Variants in AMPH observed in about 807,000 individuals in gnomAD.
AMPH encodes the protein amphiphysin, also known as amphiphysin (Stiff-Mann syndrome with breast cancer 128kD autoantigen).
In AMPH, 49 loss-of-function variants were observed where a neutral mutation model predicts 99.1. That is an observed-to-expected ratio of 0.49 (90% CI 0.39 to 0.63). The LOEUF (loss-of-function observed/expected upper bound fraction) is 0.63, where lower values mean the gene tolerates loss of function less well. Among genes scored for constraint, AMPH ranks in the 20% least tolerant of loss-of-function variants. AMPH has a pLI of 0.00. For synonymous variants in AMPH, 314 were observed against 317.3 expected, an observed-to-expected ratio of 0.99 and a Z score of 0.11; for missense variants, 759 against 863.4, an observed-to-expected ratio of 0.88 and a Z score of 1.52.
At chr7:38,587,012 T>TACACACACAC (rs36077157) in intron 1 of AMPH, among the ~76,000 whole-genome samples, 1 of 149,470 alleles carries the variant, frequency 6.7e-6, no homozygotes, top group South Asian at 2.1e-4. Flanking sequence ...ATTGTGTAAA[T>TACACACACAC]ACACACACAC....
chr7:38,387,375 TAA>T (rs1449333773), intron 20 of AMPH, among the ~76,000 whole-genome samples: 1 of 152,092 alleles, frequency 6.6e-6, no homozygotes, highest in Non-Finnish European at 1.5e-5. Flanking sequence ...TTCAAGTATA[TAA>T]ATTGAGAGAC....
chr7:38,424,169 A>G (rs1043961457), intron 15 of AMPH, among the ~76,000 whole-genome samples: 30 of 152,238 alleles, frequency 2.0e-4, no homozygotes, highest in African/African-American at 7.0e-4. Context: ...AACAGAAAAG[A>G]TAAGCCAGAA....
chr7:38,447,173 C>A (rs1435175089), intron 11 of AMPH, among the ~76,000 whole-genome samples: 1 of 152,142 alleles, frequency 6.6e-6, no homozygotes, highest in Non-Finnish European at 1.5e-5. Flanking sequence ...GCATGTGCCA[C>A]CATGCCCAGT....
At chr7:38,590,766 T>C (rs1792826889) in intron 1 of AMPH, among the ~76,000 whole-genome samples, 1 of 152,146 alleles carries the variant, frequency 6.6e-6, no homozygotes, top group Non-Finnish European at 1.5e-5. Flanking sequence ...GCCTAGGAAA[T>C]CCAGCTAGTC....
chr7:38,457,419 A>G (rs769988500), intron 11 of AMPH, among the ~76,000 whole-genome samples: 1 of 152,232 alleles, frequency 6.6e-6, no homozygotes, highest in Non-Finnish European at 1.5e-5. Context: ...GAAATACAAA[A>G]CACATTTGGA....
chr7:38,386,648 A>G (rs1395643763), intron 20 of AMPH, among the ~76,000 whole-genome samples: 1 of 152,250 alleles, frequency 6.6e-6, no homozygotes, highest in African/African-American at 2.4e-5. Context: ...ATAACTATAT[A>G]TCTCCAAATA....
At position 38,385,687 on chromosome 7, in the gene AMPH, C is replaced by T. The variant is rs190507099; in HGVS notation, c.1981-762G>A. 2.1e-4 allele frequency among the ~76,000 whole-genome samples: 32 copies of T among 152,224 alleles called. No individual in the cohort carries two copies. The East Asian group carries it at 5.4e-3, about 26-fold the overall frequency. ...TGTCTGTCATATAGAAGTGCCATCA[C>T]AAAAATGAAACAGTTTGCCCCAGAA... On this transcript the variant is annotated intron_variant, in intron 20 of 20. Transcript: ENST00000356264.
rs1385031927 is a variant in AMPH, at chr7:38,604,929, C to A, written c.69+26354G>T. On this transcript the variant is annotated intron_variant, in intron 1 of 20. Transcript: ENST00000356264. ...GATGTGATTAGTCAAAGTAGACTATCATTTTTATTCCCTCCATCCTTCATA... is the reference window on the plus strand; with the variant it reads ...GATGTGATTAGTCAAAGTAGACTATAATTTTTATTCCCTCCATCCTTCATA... Among the ~76,000 whole-genome samples, 9 of 152,084 alleles carry A rather than the reference C, an allele frequency of 5.9e-5. No homozygotes were observed. The South Asian group carries it at 1.9e-3, about 32-fold the overall frequency.
intron 15 of AMPH, among the ~76,000 whole-genome samples, chr7:38,426,752 A>C (rs1469133745): frequency 1.3e-5 from 2 of 152,240 alleles, no homozygotes; most frequent in Admixed American, 1.3e-4. Flanking sequence ...ACTCTGTTGC[A>C]TAGCTCATTT....
chr7:38,559,865 C>T (rs766249239), intron 1 of AMPH, among the ~76,000 whole-genome samples: 3 of 152,190 alleles, frequency 2.0e-5, no homozygotes, highest in Non-Finnish European at 4.4e-5. Flanking sequence ...CATCATGCTC[C>T]TCTTGCAGCT....
In AMPH at chr7:38,394,044, G is replaced by A; in HGVS notation, c.1569C>T (p.Ala523=). 1.2e-6 allele frequency: 2 copies of A among 1,614,154 alleles called. No homozygotes were observed. The highest frequency in any genetic ancestry group is 1.7e-6 in the Non-Finnish European group (2 of 1,180,030). The change falls in exon 18 of 21, where the codon GCC becomes GCT. Residue 523 remains alanine, a synonymous_variant. Coordinates refer to ENST00000356264, the MANE Select transcript of AMPH (RefSeq NM_001635.4). Reference sequence around the variant, plus strand: ...CTTCGAGCTCCTCTGCTTCAGGTTGGGCACTCTCTGCACCCTCAGTGGTTT... The same window carrying A: ...CTTCGAGCTCCTCTGCTTCAGGTTGAGCACTCTCTGCACCCTCAGTGGTTT... ...GTETTEGAES[A]QPEAEELEAT...
chr7:38,492,890 GA>G (rs1385249956), intron 4 of AMPH, among the ~76,000 whole-genome samples: 1 of 152,082 alleles, frequency 6.6e-6, no homozygotes, highest in Non-Finnish European at 1.5e-5. Flanking sequence ...CCACTAATTA[GA>G]AATTTACAAA....
rs996807179 is a variant in AMPH, at chr7:38,412,679, A to G, written c.1398+5146T>C. ...TGACTTCCTGCAAAGACAGAGAGAA[A>G]GATCTAGGTTCAGTTACTTGTATCA... On this transcript the variant is annotated intron_variant, in intron 17 of 20. Transcript: ENST00000356264. Among the ~76,000 whole-genome samples, 10 of 152,346 alleles carry G rather than the reference A, an allele frequency of 6.6e-5. No individual in the cohort carries two copies. In the South Asian group the frequency reaches 1.2e-3, roughly 19 times the overall value.
chr7:38,629,646 G>A (rs143806681), intron 1 of AMPH, among the ~76,000 whole-genome samples: 11 of 152,348 alleles, frequency 7.2e-5, no homozygotes, highest in South Asian at 2.1e-4. Context: ...TTCCTTCACA[G>A]ATGGAAAGTG....
At chr7:38,418,087 GC>G in intron 16 of AMPH, 137 bp from the exon 17 acceptor site, 3 of 946,736 alleles carry the variant, frequency 3.2e-6, no homozygotes, top group Non-Finnish European at 4.6e-6. Context: ...CTGGAGAAAA[GC>G]CCCCATTTGC....
chr7:38,589,531 T>C (rs1462478469), intron 1 of AMPH, among the ~76,000 whole-genome samples: 1 of 152,224 alleles, frequency 6.6e-6, no homozygotes, highest in Non-Finnish European at 1.5e-5. Context: ...ACCCCGAGCA[T>C]CAAAACAGCT....
At chr7:38,432,233 A>C in intron 12 of AMPH, 21 bp from the exon 13 acceptor site, 4 of 1,606,274 alleles carry the variant, frequency 2.5e-6, no homozygotes, top group African/African-American at 1.3e-5. Context: ...ATAAACAAAA[A>C]TACTGTTAGT....
At chr7:38,399,239 G>A (rs1784775865) in intron 17 of AMPH, among the ~76,000 whole-genome samples, 1 of 152,130 alleles carries the variant, frequency 6.6e-6, no homozygotes, top group Admixed American at 6.5e-5. Flanking sequence ...TACTTACCAC[G>A]TTGATTTTAC....
chr7:38,410,940 G>A (rs1483998430), intron 17 of AMPH, among the ~76,000 whole-genome samples: 1 of 152,218 alleles, frequency 6.6e-6, no homozygotes, highest in East Asian at 1.9e-4. Flanking sequence ...GGAAGTCTTT[G>A]TGTCCACTTG....
Sources: gnomAD v4.1 joint callset for allele counts (sites outside exome capture counted in the v4.1 genomes callset) on GRCh38, gnomAD v4.1.1 for gene constraint, MANE v1.5 for transcripts, NCBI Gene and HGNC (gene_info 2026-07-23, HGNC 2026-07-21) for gene names.